PELI2: variants seen among roughly 807,000 people sequenced by gnomAD.
PELI2 encodes the protein E3 ubiquitin-protein ligase pellino homolog 2.
In PELI2, 23 loss-of-function variants were observed where a neutral mutation model predicts 42.3. That is an observed-to-expected ratio of 0.54 (90% CI 0.39 to 0.77). The LOEUF (loss-of-function observed/expected upper bound fraction) is 0.77, where lower values mean the gene tolerates loss of function less well. PELI2 is among the 30% of genes least tolerant of loss of function. The probability of loss-of-function intolerance (pLI) is 0.00; values close to 1 mark genes in which losing one functional copy is unlikely to be tolerated. For synonymous variants in PELI2, 245 were observed against 212.2 expected (o/e 1.15, Z -1.34); for missense variants, 463 against 553.2 (o/e 0.84, Z 1.64).
chr14:56,141,813 A>C (rs1174893019), intron 1 of PELI2, among the ~76,000 whole-genome samples: 1 of 152,188 alleles, frequency 6.6e-6, no homozygotes, highest in Non-Finnish European at 1.5e-5. Flanking sequence ...TTACGGTTCA[A>C]GGTGAGATTT....
At chr14:56,137,586 C>T (rs547940219) in intron 1 of PELI2, among the ~76,000 whole-genome samples, 6 of 152,218 alleles carry the variant, frequency 3.9e-5, no homozygotes, top group African/African-American at 9.6e-5. Flanking sequence ...TAGAAAAGTG[C>T]GTCGTTTCCC....
At chr14:56,257,165 A>G (rs1241779333) in intron 2 of PELI2, among the ~76,000 whole-genome samples, 2 of 152,218 alleles carry the variant, frequency 1.3e-5, no homozygotes, top group Non-Finnish European at 2.9e-5. Flanking sequence ...AGTACCTGCC[A>G]GATCAGAGAA....
intron 2 of PELI2, among the ~76,000 whole-genome samples, chr14:56,229,276 A>G (rs938444417): frequency 6.6e-6 from 1 of 152,336 alleles, no homozygotes; most frequent in African/African-American, 2.4e-5. Context: ...GAGATCTGAG[A>G]ACGGACAGAC....
Position 56,299,833 on chromosome 14 carries a change from T to C in PELI2, c.*2667T>C, listed in dbSNP as rs547484276. 6.6e-6 allele frequency: 1 copy of C among 152,392 alleles called. No individual in the cohort carries two copies. Among genetic ancestry groups the C allele is most frequent in the Admixed American group, 6.5e-5 (1 of 15,294 alleles). The allele number at this position is 152,392 out of a possible 1,614,324, so 9.4% of individuals were successfully genotyped here. ...CTCTAATGCCTTTTGCAAGTAGCTT[T>C]CCAGAAGTAAAAGTCCCAGTGATGT... is the stretch of plus-strand genomic sequence containing the variant. On this transcript the variant is annotated 3_prime_UTR_variant, in exon 6 of 6. Coordinates refer to ENST00000267460, the MANE Select transcript of PELI2 (RefSeq NM_021255.3).
At chr14:56,292,819 T>C in intron 5 of PELI2, 1 of 951,192 alleles carries the variant, frequency 1.1e-6, no homozygotes, top group Non-Finnish European at 1.3e-6. Context: ...AATAGGTGAA[T>C]GGAGTTTGAA....
At chr14:56,274,709 A>G (rs1308376627) in intron 2 of PELI2, among the ~76,000 whole-genome samples, 2 of 152,226 alleles carry the variant, frequency 1.3e-5, no homozygotes, top group Non-Finnish European at 2.9e-5. Context: ...CCTGAATGGC[A>G]AAGGCTGGCA....
Position 56,180,039 on chromosome 14 carries a change from C to A in PELI2, c.207+1575C>A, listed in dbSNP as rs1382159458. 6.6e-6 allele frequency among the ~76,000 whole-genome samples: 1 copy of A among 152,164 alleles called. No individual in the cohort carries two copies. Among genetic ancestry groups the A allele is most frequent in the African/African-American group, 2.4e-5 (1 of 41,446 alleles). On this transcript the variant is annotated intron_variant, in intron 2 of 5. Transcript: ENST00000267460. The surrounding 1 kb of genome is among the most constrained non-coding windows in gnomAD (Gnocchi z 4.4). Reference sequence around the variant, plus strand: ...ATCTTTAGCCACTGCCATCTCCTCCCATTTTAGCCTTTTATGTTTTACTTT... The same window carrying A: ...ATCTTTAGCCACTGCCATCTCCTCCAATTTTAGCCTTTTATGTTTTACTTT...
chr14:56,196,269 G>A (rs1331581608), intron 2 of PELI2, among the ~76,000 whole-genome samples: 3 of 152,234 alleles, frequency 2.0e-5, no homozygotes, highest in Middle Eastern at 6.8e-3. Context: ...GTTTTGAGGG[G>A]TTTTTCGGTG....
intron 2 of PELI2, among the ~76,000 whole-genome samples, chr14:56,218,151 G>T (rs1165621976): frequency 6.6e-6 from 1 of 152,222 alleles, no homozygotes; most frequent in Non-Finnish European, 1.5e-5. Flanking sequence ...GTCTACCAAA[G>T]AAGAGACTGA....
intron 2 of PELI2, among the ~76,000 whole-genome samples, chr14:56,194,133 C>T (rs1169403780): frequency 1.5e-4 from 23 of 152,156 alleles, no homozygotes; most frequent in Non-Finnish European, 3.4e-4. Context: ...AAAAATGCAG[C>T]TGAGTGTCAG....
chr14:56,229,389 G>A (rs535826736), intron 2 of PELI2, among the ~76,000 whole-genome samples: 27 of 152,322 alleles, frequency 1.8e-4, no homozygotes, highest in African/African-American at 5.5e-4. Flanking sequence ...CCTCTGAGAC[G>A]AAGCTTCCAG....
intron 1 of PELI2, among the ~76,000 whole-genome samples, chr14:56,176,505 A>G (rs893284498): frequency 5.3e-5 from 8 of 152,144 alleles, no homozygotes; most frequent in African/African-American, 2.4e-5. Context: ...TTCATTTAAC[A>G]TGCTCCCCCT....
chr14:56,250,835 A>G (rs1438106199), intron 2 of PELI2, among the ~76,000 whole-genome samples: 1 of 152,212 alleles, frequency 6.6e-6, no homozygotes, highest in Non-Finnish European at 1.5e-5. Flanking sequence ...CCTTCAGTCA[A>G]GTTCACACTC....
intron 1 of PELI2, among the ~76,000 whole-genome samples, chr14:56,151,127 C>G (rs1884335287): frequency 6.6e-6 from 1 of 152,220 alleles, no homozygotes; most frequent in Non-Finnish European, 1.5e-5. Context: ...GTGTTGCCTG[C>G]CCATTCCTGC....
At chr14:56,233,530 G>T (rs1887666281) in intron 2 of PELI2, among the ~76,000 whole-genome samples, 1 of 152,172 alleles carries the variant, frequency 6.6e-6, no homozygotes, top group South Asian at 2.1e-4. Flanking sequence ...AATAAATGGT[G>T]CTGGGAAAAC....
intron 2 of PELI2, among the ~76,000 whole-genome samples, chr14:56,223,946 A>G (rs951148506): frequency 6.6e-6 from 1 of 152,204 alleles, no homozygotes; most frequent in African/African-American, 2.4e-5. Context: ...AGAAATATAC[A>G]AGGATGGTGG....
chr14:56,261,886 A>G (rs1888725895), intron 2 of PELI2, among the ~76,000 whole-genome samples: 1 of 152,132 alleles, frequency 6.6e-6, no homozygotes, highest in Admixed American at 6.5e-5. Flanking sequence ...GTAGATGGCT[A>G]ATCTGATTAA....
At chr14:56,261,604 T>C (rs1888717890) in intron 2 of PELI2, among the ~76,000 whole-genome samples, 1 of 152,230 alleles carries the variant, frequency 6.6e-6, no homozygotes, top group Non-Finnish European at 1.5e-5. Context: ...CAGTGCAGTA[T>C]AGACTTGCCC....
At chr14:56,239,888 A>G (rs1226075982) in intron 2 of PELI2, among the ~76,000 whole-genome samples, 1 of 152,204 alleles carries the variant, frequency 6.6e-6, no homozygotes, top group Non-Finnish European at 1.5e-5. Flanking sequence ...TATTGATAGA[A>G]ATGACAAGGA....
Sources: allele counts gnomAD v4.1 joint callset (sites outside exome capture counted in the v4.1 genomes callset), GRCh38; gene constraint gnomAD v4.1.1; non-coding constraint Gnocchi (gnomAD v3.1); transcripts MANE v1.5; gene names NCBI Gene and HGNC (gene_info 2026-07-23, HGNC 2026-07-21).